Variants in SYNE2 observed in about 807,000 individuals in gnomAD.
SYNE2 encodes the protein spectrin repeat containing nuclear envelope protein 2, also known as nesprin-2.
In SYNE2, 431 loss-of-function variants were observed where a neutral mutation model predicts 856.3. The observed-to-expected ratio is 0.50, with a 90% confidence interval of 0.47 to 0.55. The LOEUF is 0.55. Ranked by LOEUF, SYNE2 falls within the 20% of genes least tolerant of loss-of-function variation. The pLI is 0.00. For synonymous variants in SYNE2, 2,923 were observed against 2,872.3 expected, an observed-to-expected ratio of 1.02 and a Z score of -0.56; for missense variants, 8,129 against 8,023.2, an observed-to-expected ratio of 1.01 and a Z score of -0.50.
At chr14:63,859,811 G>C (rs1893003910) in intron 1 of SYNE2, among the ~76,000 whole-genome samples, 1 of 152,178 alleles carries the variant, frequency 6.6e-6, no homozygotes, top group Non-Finnish European at 1.5e-5. Context: ...GCAAGACTCT[G>C]CCTCGGGAAA....
chr14:64,173,233 A>C (rs1183812560), intron 94 of SYNE2, among the ~76,000 whole-genome samples: 1 of 152,176 alleles, frequency 6.6e-6, no homozygotes, highest in Admixed American at 6.5e-5. Context: ...TGGTAAAGGA[A>C]AAGCTAGATG....
intron 3 of SYNE2, among the ~76,000 whole-genome samples, 193 bp from the exon 4 acceptor site, chr14:63,941,502 C>G (rs1435945970): frequency 2.6e-5 from 4 of 152,156 alleles, no homozygotes. Flanking sequence ...AGGAAATTAG[C>G]CATAAGATAA....
intron 82 of SYNE2, among the ~76,000 whole-genome samples, chr14:64,143,147 T>C (rs1048903889): frequency 2.6e-5 from 4 of 152,206 alleles, no homozygotes; most frequent in African/African-American, 9.7e-5. Flanking sequence ...ACATACCACA[T>C]GACTGTCACC....
At chr14:63,994,037 A>T in intron 22 of SYNE2, 68 bp downstream of exon 22, 1 of 1,539,370 alleles carries the variant, frequency 6.5e-7, no homozygotes. Context: ...TGGTTGTCAG[A>T]GCCATTCCTG....
chr14:63,976,122 A>G (rs1163309528), intron 11 of SYNE2, among the ~76,000 whole-genome samples: 1 of 152,172 alleles, frequency 6.6e-6, no homozygotes, highest in African/African-American at 2.4e-5. Context: ...TGGTAGAGAT[A>G]TGTCATGTGG....
intron 49 of SYNE2, among the ~76,000 whole-genome samples, chr14:64,060,750 A>G (rs866566671): frequency 2.0e-5 from 3 of 152,034 alleles, no homozygotes; most frequent in Non-Finnish European, 4.4e-5. Context: ...GGTCTCGACA[A>G]CCTTTCAAGT....
intron 1 of SYNE2, among the ~76,000 whole-genome samples, chr14:63,887,165 C>G (rs2095009442): frequency 6.6e-6 from 1 of 151,884 alleles, no homozygotes; most frequent in Admixed American, 6.6e-5. Flanking sequence ...CCTGTAGTCC[C>G]AGCTATTGGG....
intron 104 of SYNE2, among the ~76,000 whole-genome samples, chr14:64,212,487 T>C (rs1022221721): frequency 2.0e-5 from 3 of 152,246 alleles, no homozygotes; most frequent in African/African-American, 7.2e-5. Flanking sequence ...TCGTGGCTTA[T>C]TATGGGAAAT....
At chr14:63,882,989 T>A (rs965066778) in intron 1 of SYNE2, among the ~76,000 whole-genome samples, 5 of 119,146 alleles carry the variant, frequency 4.2e-5, no homozygotes, top group Admixed American at 8.7e-5. Context: ...GTAAGCACTC[T>A]GTTTTTTTTT....
chr14:64,221,799 C>CTG, intron 112 of SYNE2, 95 bp downstream of exon 112: 1 of 1,448,806 alleles, frequency 6.9e-7, no homozygotes. Context: ...ATTTCAGGAA[C>CTG]TGTGCCAGTG....
rs766854943 is a variant in SYNE2, at chr14:63,986,626, G to A, written c.2313+9G>A. 1 of 1,613,782 alleles carries A rather than the reference G, an allele frequency of 6.2e-7. No individual in the cohort carries two copies. The highest frequency in any genetic ancestry group is 8.5e-7 in the Non-Finnish European group (1 of 1,179,788). On this transcript the variant is annotated intron_variant, in intron 19 of 115. Coordinates refer to ENST00000555002, the MANE Select transcript of SYNE2 (RefSeq NM_182914.3). ...TGGAAGAATCTTTGAAGGTATGTGT[G>A]TAAAAGTATTAAGAGGGTACTTTCA... is the stretch of plus-strand genomic sequence containing the variant.
At position 64,126,814 on chromosome 14, in the gene SYNE2, T is replaced by C; in HGVS notation, c.13917+7T>C. 1 of 1,609,082 alleles carries C rather than the reference T, an allele frequency of 6.2e-7. No homozygotes were observed. On this transcript the variant is annotated splice_region_variant and intron_variant, in intron 73 of 115. Coordinates refer to ENST00000555002, the MANE Select transcript of SYNE2 (RefSeq NM_182914.3). Reference sequence around the variant, plus strand: ...TTACAACCGCAGTTACCAGGTATGATTCCGAGCACACAGCCTATTTTGGCA... The same window carrying C: ...TTACAACCGCAGTTACCAGGTATGACTCCGAGCACACAGCCTATTTTGGCA...
At chr14:63,781,196 T>G (rs1375577589) in intron 1 of SYNE2, among the ~76,000 whole-genome samples, 1 of 151,414 alleles carries the variant, frequency 6.6e-6, no homozygotes, top group Non-Finnish European at 1.5e-5. Context: ...GAGAATCGCT[T>G]GAACCCAGGA....
At chr14:64,225,257 G>A in intron 115 of SYNE2, 62 bp from the exon 116 acceptor site, 1 of 1,612,766 alleles carries the variant, frequency 6.2e-7, no homozygotes, top group Non-Finnish European at 8.5e-7. Context: ...AGGGGCTTAG[G>A]TAATAGAGTG....
chr14:64,112,924 T>C, intron 65 of SYNE2: 1 of 827,102 alleles, frequency 1.2e-6, no homozygotes, highest in Non-Finnish European at 1.5e-6. Flanking sequence ...TGTTCTGTTT[T>C]GTTTTGTTTT....
At chr14:63,960,695 ATT>A (rs762709793) in intron 8 of SYNE2, 1 of 750,206 alleles carries the variant, frequency 1.3e-6, no homozygotes, top group Non-Finnish European at 2.4e-6. Flanking sequence ...GACATATTGC[ATT>A]CACCCTTTTG....
intron 58 of SYNE2, among the ~76,000 whole-genome samples, chr14:64,088,584 A>G (rs1013256833): frequency 1.3e-5 from 2 of 152,226 alleles, no homozygotes; most frequent in Admixed American, 6.5e-5. Flanking sequence ...CTGCCTGGGT[A>G]CTACAGTAAG....
At chr14:64,127,440 A>G (rs901913523) in intron 73 of SYNE2, among the ~76,000 whole-genome samples, 3 of 152,146 alleles carry the variant, frequency 2.0e-5, no homozygotes, top group Admixed American at 2.0e-4. Context: ...AAAAATAAAA[A>G]AAGTAGAGTC....
intron 67 of SYNE2, among the ~76,000 whole-genome samples, chr14:64,120,635 C>G (rs888351773): frequency 1.2e-4 from 18 of 152,080 alleles, no homozygotes; most frequent in African/African-American, 4.1e-4. Context: ...GTGGTGGGCA[C>G]AACTGCAATC....
Sources: allele counts gnomAD v4.1 joint callset (sites outside exome capture counted in the v4.1 genomes callset), GRCh38; gene constraint gnomAD v4.1.1; transcripts MANE v1.5; gene names NCBI Gene and HGNC (gene_info 2026-07-23, HGNC 2026-07-21).